Variants in TENM2 observed in about 807,000 individuals in gnomAD.
TENM2 encodes teneurin-2.
TENM2 carries 52 observed loss-of-function variants against 245.2 expected under a neutral mutation model. The observed-to-expected ratio is 0.21, with a 90% CI of 0.17 to 0.27. The LOEUF (loss-of-function observed/expected upper bound fraction) is 0.27. Ranked by LOEUF, TENM2 falls within the 10% of genes least tolerant of loss-of-function variation. The pLI is 1.00. For missense variants in TENM2, 3,046 were observed against 3,666.8 expected (o/e 0.83, Z 4.37); for synonymous variants, 1,363 against 1,438.9 (o/e 0.95, Z 1.19).
At chr5:167,395,135 C>T in intron 2 of TENM2, among the ~76,000 whole-genome samples, 1 of 151,998 alleles carries the variant, frequency 6.6e-6, no homozygotes, top group East Asian at 1.9e-4. Flanking sequence ...ACATGGGATG[C>T]CTTCTCATTT....
chr5:167,708,796 T>A (rs1305322731), intron 2 of TENM2, among the ~76,000 whole-genome samples: 1 of 152,176 alleles, frequency 6.6e-6, no homozygotes, highest in Non-Finnish European at 1.5e-5. Context: ...TTGCTCTAAC[T>A]GACTAATACT....
chr5:167,478,992 G>GTGTGTGT (rs1161819856), intron 2 of TENM2, among the ~76,000 whole-genome samples: 5 of 119,866 alleles, frequency 4.2e-5, no homozygotes, highest in African/African-American at 1.6e-4. Context: ...TTATATATAT[G>GTGTGTGT]TGTGTGTGTG....
chr5:167,445,364 G>GAT (rs1765134126), intron 2 of TENM2, among the ~76,000 whole-genome samples: 1 of 141,234 alleles, frequency 7.1e-6, no homozygotes, highest in African/African-American at 2.6e-5. Flanking sequence ...GAGAGAGAGA[G>GAT]AGAGAGTGTC....
At chr5:167,927,931 G>A (rs74328196) in intron 3 of TENM2, among the ~76,000 whole-genome samples, 3,929 of 152,308 alleles carry the variant, frequency 0.026, 171 homozygotes, top group African/African-American at 0.089. Context: ...ATATGCCAAC[G>A]ATGATAAAGG....
intron 2 of TENM2, among the ~76,000 whole-genome samples, chr5:167,448,179 A>AC (rs1378334733): frequency 6.6e-6 from 1 of 151,860 alleles, no homozygotes; most frequent in African/African-American, 2.4e-5. Flanking sequence ...ATGTCCCCCC[A>AC]CCCCTACTGG....
chr5:168,090,193 G>A (rs1792802487), intron 7 of TENM2, among the ~76,000 whole-genome samples: 1 of 149,542 alleles, frequency 6.7e-6, no homozygotes, highest in Non-Finnish European at 1.5e-5. Flanking sequence ...GGGGACTGGA[G>A]CAACAGCATA....
intron 10 of TENM2, among the ~76,000 whole-genome samples, chr5:168,120,007 A>C (rs937995429): frequency 2.0e-5 from 3 of 152,156 alleles, no homozygotes; most frequent in African/African-American, 7.2e-5. Flanking sequence ...TTCTATACAA[A>C]ATAACCAATC....
At chr5:167,941,052 T>C (rs1779134765) in intron 3 of TENM2, among the ~76,000 whole-genome samples, 2 of 152,202 alleles carry the variant, frequency 1.3e-5, no homozygotes. Flanking sequence ...TACTAGAATG[T>C]TTCAGTAACC....
At chr5:168,035,429 G>T (rs192129771) in intron 5 of TENM2, among the ~76,000 whole-genome samples, 1 of 150,890 alleles carries the variant, frequency 6.6e-6, no homozygotes, top group Non-Finnish European at 1.5e-5. Flanking sequence ...CCTGGGAGGC[G>T]CAGTTTGCAG....
At chr5:167,035,529 G>A in the TENM2 span, among the ~76,000 whole-genome samples, 1 of 152,096 alleles carries the variant, frequency 6.6e-6, no homozygotes, top group Non-Finnish European at 1.5e-5. Flanking sequence ...TTCTATTCTT[G>A]ATAGTATTTT....
chr5:167,957,916 A>C (rs1780689100), intron 4 of TENM2, among the ~76,000 whole-genome samples: 1 of 152,140 alleles, frequency 6.6e-6, no homozygotes, highest in Non-Finnish European at 1.5e-5. Flanking sequence ...TTTTAGAATA[A>C]GTGTGATGTG....
intron 21 of TENM2, among the ~76,000 whole-genome samples, chr5:168,215,542 G>T (rs113961088): frequency 0.026 from 3,922 of 152,288 alleles, 126 homozygotes; most frequent in African/African-American, 0.072. Context: ...GGCGGTGGGC[G>T]CCTGTAGTCC....
At chr5:167,342,749 G>A (rs1475043227) in intron 1 of TENM2, among the ~76,000 whole-genome samples, 3 of 151,538 alleles carry the variant, frequency 2.0e-5, no homozygotes, top group Non-Finnish European at 4.4e-5. Flanking sequence ...GGATGGTCTC[G>A]ATCTCCTGAC....
chr5:167,601,378 C>T (rs1039898022), intron 2 of TENM2, among the ~76,000 whole-genome samples: 1 of 152,268 alleles, frequency 6.6e-6, no homozygotes, highest in Non-Finnish European at 1.5e-5. Flanking sequence ...CTAATTTAAA[C>T]TGCCACAAGT....
chr5:167,336,112 A>G (rs1272117990), intron 1 of TENM2, among the ~76,000 whole-genome samples: 1 of 151,676 alleles, frequency 6.6e-6, no homozygotes, highest in Non-Finnish European at 1.5e-5. Context: ...GAACACATAT[A>G]AATGGTGCCT....
At chr5:168,080,940 A>C (rs1384070658) in intron 7 of TENM2, among the ~76,000 whole-genome samples, 5 of 152,170 alleles carry the variant, frequency 3.3e-5, no homozygotes. Context: ...GTAGATGTCT[A>C]TTAGGTCTAC....
intron 3 of TENM2, among the ~76,000 whole-genome samples, chr5:167,884,499 T>A (rs1774128823): frequency 6.6e-6 from 1 of 152,240 alleles, no homozygotes; most frequent in African/African-American, 2.4e-5. Flanking sequence ...CACACAGTAC[T>A]TGTCCTTTTG....
chr5:167,108,447 A>T, the TENM2 span, among the ~76,000 whole-genome samples: 2 of 152,256 alleles, frequency 1.3e-5, no homozygotes, highest in East Asian at 3.9e-4. Context: ...TTTGAATGCA[A>T]GGCTTATCTT....
At position 168,134,177 on chromosome 5, in the gene TENM2, A is replaced by T. The variant is rs1453883051; in HGVS notation, c.2422+7211A>T. Among the ~76,000 whole-genome samples, 6 of 152,038 alleles carry T rather than the reference A, an allele frequency of 3.9e-5. No individual in the cohort carries two copies. The East Asian group carries it at 1.2e-3, about 29-fold the overall frequency. ...CTCAAAAAAAAACAAAACAAAACAA[A>T]AAAATAGGCTCTTGTGTCATTCTAC... On this transcript the variant is annotated intron_variant, in intron 12 of 28. Coordinates refer to ENST00000518659, the Ensembl canonical transcript of TENM2.
Sources: allele counts gnomAD v4.1 joint callset (sites outside exome capture counted in the v4.1 genomes callset), GRCh38; gene constraint gnomAD v4.1.1; transcripts MANE v1.5; gene names NCBI Gene and HGNC (gene_info 2026-07-23, HGNC 2026-07-21).